NFYB: variants seen among roughly 807,000 people sequenced by gnomAD.
NFYB encodes the protein CAAT box DNA-binding protein subunit B.
A neutral mutation model predicts 28.0 loss-of-function variants in NFYB; 13 were observed. That is an observed-to-expected ratio of 0.46 (90% CI 0.30 to 0.74). NFYB has a LOEUF of 0.74. Among genes scored for constraint, NFYB ranks in the 30% least tolerant of loss-of-function variants. The probability of loss-of-function intolerance (pLI) is 0.07; values close to 1 mark genes in which losing one functional copy is unlikely to be tolerated. For missense variants in NFYB, 142 were observed against 247.6 expected, an observed-to-expected ratio of 0.57 and a Z score of 2.86; for synonymous variants, 74 against 75.0, an observed-to-expected ratio of 0.99 and a Z score of 0.07.
chr12:104,131,840 T>C, intron 2 of NFYB: 1 of 455,048 alleles, frequency 2.2e-6, no homozygotes. Context: ...TTACATAACC[T>C]GGGAGGCAGG....
chr12:104,133,060 C>A (rs1593637169), intron 2 of NFYB, among the ~76,000 whole-genome samples: 1 of 152,104 alleles, frequency 6.6e-6, no homozygotes. Context: ...GCTAATAAAT[C>A]TTTATTTTTT....
chr12:104,119,500 C>A lies in NFYB; in HGVS notation c.*237G>T, dbSNP rs1162119248. 2.4e-6 allele frequency: 1 copy of A among 408,808 alleles called. No homozygotes were observed. Among genetic ancestry groups the A allele is most frequent in the African/African-American group, 2.0e-5 (1 of 50,490 alleles). 25.3% of individuals were successfully genotyped at this position (408,808 alleles called of 1,614,324 possible). A position where few individuals can be genotyped will look rare whatever the true frequency, so the allele number is the denominator to read the frequency against. ...GGAGTCATACAGAGCAACAAACTCT[C>A]GTACAAAACAAAAATATTTTAATAC... On this transcript the variant is annotated 3_prime_UTR_variant, in exon 8 of 8. Coordinates refer to ENST00000240055, the MANE Select transcript of NFYB (RefSeq NM_006166.4).
At chr12:104,122,284 G>C in intron 5 of NFYB, among the ~76,000 whole-genome samples, 1 of 152,224 alleles carries the variant, frequency 6.6e-6, no homozygotes. Flanking sequence ...GCAGAGCTGG[G>C]ATTCAGCCTC....
intron 6 of NFYB, 75 bp from the exon 7 acceptor site, chr12:104,120,554 C>T (rs143485821): frequency 3.0e-6 from 3 of 985,434 alleles, no homozygotes; most frequent in East Asian, 2.4e-5. Context: ...AAGGTTGTAC[C>T]ATTAATGTCT....
chr12:104,123,452 G>A, intron 4 of NFYB, 29 bp from the exon 5 acceptor site: 1 of 1,595,762 alleles, frequency 6.3e-7, no homozygotes, highest in South Asian at 1.1e-5. Context: ...GTAAATTACA[G>A]AAACTATAAC....
chr12:104,137,893 G>C (rs1374120525), intron 1 of NFYB: 1 of 146,376 alleles, frequency 6.8e-6, no homozygotes, highest in Non-Finnish European at 1.5e-5. Flanking sequence ...CCCGCGTCCC[G>C]CCGCTCCTCA....
chr12:104,126,031 G>A lies in NFYB; in HGVS notation c.231+83C>T, dbSNP rs1025715517. The A allele has an allele frequency of 1.6e-5, 22 of 1,351,516 alleles. No homozygotes were observed. The African/African-American group carries it at 2.7e-4, about 17-fold the overall frequency. The allele number at this position is 1,351,516 out of a possible 1,614,324, so 83.7% of individuals were successfully genotyped here. A position where few individuals can be genotyped will look rare whatever the true frequency, so the allele number is the denominator to read the frequency against. ...AAAGCCTGAATGATTGAAATCAACA[G>A]CTAACTGTACCCATGACCTATGAAT... On this transcript the variant is annotated intron_variant, in intron 4 of 7. Coordinates refer to ENST00000240055, the MANE Select transcript of NFYB (RefSeq NM_006166.4).
At chr12:104,137,303 G>A (rs545106734) in intron 1 of NFYB, 1 of 152,326 alleles carries the variant, frequency 6.6e-6, no homozygotes, top group African/African-American at 2.4e-5. Flanking sequence ...GTTCTTTAAG[G>A]CCCTGCATAT....
chr12:104,131,873 C>G, intron 2 of NFYB: 1 of 431,916 alleles, frequency 2.3e-6, no homozygotes, highest in South Asian at 1.6e-5. Flanking sequence ...AGAACAGAGC[C>G]TATTAGTCCT....
intron 4 of NFYB, among the ~76,000 whole-genome samples, chr12:104,125,674 C>T (rs1714436547): frequency 6.6e-6 from 1 of 151,438 alleles, no homozygotes; most frequent in Middle Eastern, 3.2e-3. Context: ...CATGGAGAAA[C>T]CCCATTTCTA....
chr12:104,118,579 G>C lies in NFYB; in HGVS notation c.*1158C>G, dbSNP rs902321365. The C allele has an allele frequency of 2.0e-5, 3 of 152,466 alleles. No individual in the cohort carries two copies. The highest frequency in any genetic ancestry group is 2.0e-4 in the Admixed American group (3 of 15,264). 9.4% of individuals were successfully genotyped at this position (152,466 alleles called of 1,614,324 possible). A position where few individuals can be genotyped will look rare whatever the true frequency, so the allele number is the denominator to read the frequency against. The stretch of plus-strand genomic sequence containing the variant: ...AAGTTAATTAACACCAAAAAGAATA[G>C]ATGAGAAAATACAAATCCTCACTTT... On this transcript the variant is annotated 3_prime_UTR_variant, in exon 8 of 8. Coordinates refer to ENST00000240055, the MANE Select transcript of NFYB (RefSeq NM_006166.4).
chr12:104,137,145 G>GC (rs946308722), intron 1 of NFYB, among the ~76,000 whole-genome samples: 15 of 152,134 alleles, frequency 9.9e-5, no homozygotes, highest in African/African-American at 3.1e-4. Flanking sequence ...CACGAACCAC[G>GC]CAACTATGGG....
chr12:104,122,041 TATG>T (rs1162857138), intron 5 of NFYB, among the ~76,000 whole-genome samples: 1 of 152,172 alleles, frequency 6.6e-6, no homozygotes, highest in Non-Finnish European at 1.5e-5. Flanking sequence ...TAATAAGACA[TATG>T]ATTATACCTT....
intron 2 of NFYB, among the ~76,000 whole-genome samples, chr12:104,132,224 T>C (rs1385825867): frequency 6.6e-6 from 1 of 152,120 alleles, no homozygotes; most frequent in East Asian, 1.9e-4. Context: ...AAAATGAGAC[T>C]GACAGATAAA....
chr12:104,131,127 C>T (rs1198084868), intron 2 of NFYB: 1 of 152,180 alleles, frequency 6.6e-6, no homozygotes. Flanking sequence ...TCTTGTCATG[C>T]ACTGGAATTA....
chr12:104,121,353 T>C (rs781197030), intron 5 of NFYB, 32 bp from the exon 6 acceptor site: 4 of 1,558,016 alleles, frequency 2.6e-6, no homozygotes, highest in South Asian at 2.3e-5. Context: ...GTCACTGATA[T>C]TCAAATGAAA....
At chr12:104,121,159 T>G in intron 6 of NFYB, 81 bp downstream of exon 6, 6 of 1,151,976 alleles carry the variant, frequency 5.2e-6, no homozygotes, top group Non-Finnish European at 7.7e-6. Flanking sequence ...TACTCACTGC[T>G]GACATTCCAA....
intron 2 of NFYB, among the ~76,000 whole-genome samples, chr12:104,130,265 T>C (rs1482693770): frequency 6.6e-6 from 1 of 152,240 alleles, no homozygotes; most frequent in Non-Finnish European, 1.5e-5. Flanking sequence ...ATAAACTTAA[T>C]GTTATTAATT....
At position 104,117,998 on chromosome 12, in the gene NFYB, A is replaced by C. The variant is rs888411647; in HGVS notation, c.*1739T>G. 2.6e-5 allele frequency: 4 copies of C among 152,238 alleles called. No homozygotes were observed. Among genetic ancestry groups the C allele is most frequent in the African/African-American group, 7.2e-5 (3 of 41,468 alleles). 9.4% of individuals were successfully genotyped at this position (152,238 alleles called of 1,614,324 possible). On this transcript the variant is annotated 3_prime_UTR_variant, in exon 8 of 8. Transcript: ENST00000240055. ...TTTATAACTGTGAAAAGATGTAAAT[A>C]GTCAAAATATCCAATAGAAGATTAA...
Sources: allele counts gnomAD v4.1 joint callset (sites outside exome capture counted in the v4.1 genomes callset), GRCh38; gene constraint gnomAD v4.1.1; transcripts MANE v1.5; gene names NCBI Gene and HGNC (gene_info 2026-07-23, HGNC 2026-07-21).